MYO3B: variants seen among roughly 807,000 people sequenced by gnomAD.
MYO3B encodes myosin-IIIb.
A neutral mutation model predicts 174.6 loss-of-function variants in MYO3B; 156 were observed. The observed-to-expected ratio is 0.89, with a 90% CI of 0.78 to 1.02. MYO3B has a LOEUF of 1.02. Among genes scored for constraint, MYO3B ranks in the 50% least tolerant of loss-of-function variants. The pLI, the probability that MYO3B is intolerant of heterozygous loss-of-function variation, is 0.00. For missense variants in MYO3B, 1,632 were observed against 1,639.4 expected, an observed-to-expected ratio of 1.00 and a Z score of 0.08; for synonymous variants, 563 against 569.1, an observed-to-expected ratio of 0.99 and a Z score of 0.15.
At chr2:170,255,603 C>T (rs1291926639) in intron 7 of MYO3B, among the ~76,000 whole-genome samples, 2 of 152,040 alleles carry the variant, frequency 1.3e-5, no homozygotes, top group East Asian at 1.9e-4. Flanking sequence ...TGACTGTATA[C>T]AGCATACACC....
chr2:170,407,824 C>G lies in MYO3B; in HGVS notation c.2630C>G (p.Ser877Ter), dbSNP rs1320944899. The part of the protein sequence containing the change: ...SENKLLQQLF[S>*]IPLTKTGNLA... ...AACAAGCTTCTTCAGCAGCTCTTCT[C>G]AATCCCTCTGACCAAAACAGGTACT... Residue 877 changes from serine (S) to a stop codon, truncating the protein, a stop_gained, in exon 22 of 35, where the codon TCA (serine) becomes TGA (stop). Coordinates refer to ENST00000408978, the MANE Select transcript of MYO3B (RefSeq NM_138995.5). LOFTEE classifies it high-confidence loss of function. 2 of 1,614,066 alleles carry G rather than the reference C, an allele frequency of 1.2e-6. No homozygotes were observed. The highest frequency in any genetic ancestry group is 1.7e-6 in the Non-Finnish European group (2 of 1,179,916).
chr2:170,454,098 A>G (rs1683772675), intron 23 of MYO3B, among the ~76,000 whole-genome samples: 1 of 152,248 alleles, frequency 6.6e-6, no homozygotes, highest in South Asian at 2.1e-4. Flanking sequence ...GACAAGATGG[A>G]CAGAAGGCCT....
rs1175875362 is a variant in MYO3B at position 170,268,640 on chromosome 2, C to T, written c.749+32504C>T. 3.3e-5 allele frequency among the ~76,000 whole-genome samples: 5 copies of T among 152,078 alleles called. No individual in the cohort carries two copies. The East Asian group carries it at 9.6e-4, about 29-fold the overall frequency. On this transcript the variant is annotated intron_variant, in intron 7 of 34. Transcript: ENST00000408978. ...TTTAAAATGCAAGTCATATTTACTG[C>T]CCTTTAGTCCTATAGTTGTCTAGTT... is the stretch of plus-strand genomic sequence containing the variant.
At chr2:170,243,899 T>A (rs1248287413) in intron 7 of MYO3B, among the ~76,000 whole-genome samples, 1 of 152,190 alleles carries the variant, frequency 6.6e-6, no homozygotes, top group Non-Finnish European at 1.5e-5. Flanking sequence ...CTGCCATTAG[T>A]ATCCATTGTC....
chr2:170,302,451 A>T (rs181482114), intron 7 of MYO3B, among the ~76,000 whole-genome samples: 325 of 152,358 alleles, frequency 2.1e-3, no homozygotes, highest in Admixed American at 5.1e-3. Flanking sequence ...CTAAACAAGC[A>T]TTACTGTCCA....
rs1426163491 is a variant in MYO3B at position 170,569,722 on chromosome 2, C to G, written c.3733+25734C>G. ...ACTAAAAATAAAAAAATTAGCCAGCCATGGTGGCACATGCCTGTAATCCCA... is the reference window on the plus strand; with the variant it reads ...ACTAAAAATAAAAAAATTAGCCAGCGATGGTGGCACATGCCTGTAATCCCA... On this transcript the variant is annotated intron_variant, in intron 32 of 34. Transcript: ENST00000408978. 1.5e-4 allele frequency among the ~76,000 whole-genome samples: 23 copies of G among 151,750 alleles called. No homozygotes were observed. The East Asian group carries it at 3.7e-3, about 24-fold the overall frequency.
intron 32 of MYO3B, among the ~76,000 whole-genome samples, chr2:170,628,609 C>T (rs762520116): frequency 1.3e-5 from 2 of 152,216 alleles, no homozygotes; most frequent in Non-Finnish European, 2.9e-5. Context: ...AGAAATCACC[C>T]GTCTTCTGCA....
At chr2:170,416,462 G>A (rs1336567008) in intron 22 of MYO3B, among the ~76,000 whole-genome samples, 1 of 148,816 alleles carries the variant, frequency 6.7e-6, no homozygotes, top group Non-Finnish European at 1.5e-5. Context: ...AGTGGAGGTT[G>A]CAGTGAGCTA....
chr2:170,221,732 C>A (rs1221579862), intron 6 of MYO3B, among the ~76,000 whole-genome samples: 1 of 138,842 alleles, frequency 7.2e-6, no homozygotes, highest in East Asian at 2.2e-4. Flanking sequence ...AAGTCAAGAT[C>A]AGTAGAATTT....
At chr2:170,275,964 T>A (rs562981598) in intron 7 of MYO3B, among the ~76,000 whole-genome samples, 1 of 152,190 alleles carries the variant, frequency 6.6e-6, no homozygotes, top group Non-Finnish European at 1.5e-5. Flanking sequence ...TTTTGTAAAC[T>A]TTACTAAATT....
At chr2:170,208,424 T>A (rs1349989910) in intron 3 of MYO3B, among the ~76,000 whole-genome samples, 1 of 152,206 alleles carries the variant, frequency 6.6e-6, no homozygotes. Context: ...GCTCCCTTGG[T>A]CTTACTTTCC....
chr2:170,264,616 T>C (rs1424194118), intron 7 of MYO3B, among the ~76,000 whole-genome samples: 1 of 152,232 alleles, frequency 6.6e-6, no homozygotes, highest in African/African-American at 2.4e-5. Context: ...TGAACTCTTC[T>C]AGCTGACATA....
At chr2:170,522,529 A>G (rs572974739) in intron 30 of MYO3B, among the ~76,000 whole-genome samples, 2 of 152,168 alleles carry the variant, frequency 1.3e-5, no homozygotes, top group Non-Finnish European at 2.9e-5. Context: ...CACCTGATCA[A>G]TTGTCTTACA....
chr2:170,544,230 C>T (rs188480942), intron 32 of MYO3B, among the ~76,000 whole-genome samples: 4 of 152,322 alleles, frequency 2.6e-5, no homozygotes, highest in Admixed American at 2.6e-4. Context: ...TAACCTTAAA[C>T]TAGGAAACTG....
chr2:170,625,940 C>G (rs1012511839), intron 32 of MYO3B, among the ~76,000 whole-genome samples: 2 of 152,158 alleles, frequency 1.3e-5, no homozygotes, highest in African/African-American at 4.8e-5. Flanking sequence ...AATTTCTGTT[C>G]TTTTACCTCT....
intron 28 of MYO3B, among the ~76,000 whole-genome samples, chr2:170,511,059 T>C (rs1439572356): frequency 6.6e-6 from 1 of 151,656 alleles, no homozygotes; most frequent in Non-Finnish European, 1.5e-5. Flanking sequence ...CATTTTCCTT[T>C]TGTTTTTTTT....
At chr2:170,580,718 ATGTGTGTG>A (rs59092368) in intron 32 of MYO3B, among the ~76,000 whole-genome samples, 71 of 142,768 alleles carry the variant, frequency 5.0e-4, no homozygotes, top group East Asian at 2.5e-3. Flanking sequence ...AACCTTATAT[ATGTGTGTG>A]TGTGTGTGTG....
At chr2:170,352,183 C>G (rs1011640957) in intron 8 of MYO3B, among the ~76,000 whole-genome samples, 2 of 152,140 alleles carry the variant, frequency 1.3e-5, no homozygotes, top group Non-Finnish European at 2.9e-5. Flanking sequence ...GAACTCCTGA[C>G]CTCAGGTGAC....
At chr2:170,565,511 C>G (rs1029480795) in intron 32 of MYO3B, among the ~76,000 whole-genome samples, 1 of 152,150 alleles carries the variant, frequency 6.6e-6, no homozygotes, top group African/African-American at 2.4e-5. Context: ...TGGGTAGTCT[C>G]TAAGGGAGAA....
Sources: allele counts gnomAD v4.1 joint callset (sites outside exome capture counted in the v4.1 genomes callset), GRCh38; gene constraint gnomAD v4.1.1; transcripts MANE v1.5; gene names NCBI Gene and HGNC (gene_info 2026-07-23, HGNC 2026-07-21).